Variants in PCSK2 observed in about 807,000 individuals in gnomAD.
The protein encoded by PCSK2 is proprotein convertase subtilisin/kexin type 2.
A neutral mutation model predicts 69.7 loss-of-function variants in PCSK2; 14 were observed. The observed-to-expected ratio is 0.20, with a 90% confidence interval of 0.13 to 0.31. The LOEUF (loss-of-function observed/expected upper bound fraction) is 0.31. Among genes scored for constraint, PCSK2 ranks in the 10% least tolerant of loss-of-function variants. The probability of loss-of-function intolerance (pLI) is 1.00; values close to 1 mark genes in which losing one functional copy is unlikely to be tolerated. For synonymous variants in PCSK2, 307 were observed against 320.7 expected, an observed-to-expected ratio of 0.96 and a Z score of 0.46; for missense variants, 544 against 842.5, an observed-to-expected ratio of 0.65 and a Z score of 4.39.
At chr20:17,434,414 C>A (rs1461810265) in intron 7 of PCSK2, among the ~76,000 whole-genome samples, 1 of 152,114 alleles carries the variant, frequency 6.6e-6, no homozygotes, top group East Asian at 1.9e-4. Flanking sequence ...GTATCTCATT[C>A]AATTAATGCA....
chr20:17,302,594 T>A (rs562023177), intron 2 of PCSK2, among the ~76,000 whole-genome samples: 1 of 152,176 alleles, frequency 6.6e-6, no homozygotes, highest in Non-Finnish European at 1.5e-5. Flanking sequence ...GGTAATAAAA[T>A]TCTAAGTTCA....
intron 2 of PCSK2, among the ~76,000 whole-genome samples, chr20:17,298,453 G>A (rs1320962752): frequency 6.6e-6 from 1 of 152,152 alleles, no homozygotes; most frequent in African/African-American, 2.4e-5. Context: ...AAAAGACCAG[G>A]AATGCTGTTC....
intron 2 of PCSK2, among the ~76,000 whole-genome samples, chr20:17,286,147 C>T (rs542507211): frequency 6.6e-6 from 1 of 152,294 alleles, no homozygotes; most frequent in South Asian, 2.1e-4. Context: ...TTCTTGTTTT[C>T]TCCACATGAA....
chr20:17,299,575 C>T (rs1232785044), intron 2 of PCSK2, among the ~76,000 whole-genome samples: 1 of 151,992 alleles, frequency 6.6e-6, no homozygotes, highest in Non-Finnish European at 1.5e-5. Flanking sequence ...AATTGTATTA[C>T]ATTTCCAAAT....
intron 2 of PCSK2, among the ~76,000 whole-genome samples, chr20:17,309,407 C>A (rs189696097): frequency 6.6e-6 from 1 of 152,182 alleles, no homozygotes; most frequent in East Asian, 1.9e-4. Context: ...ATTTAAAAAG[C>A]AATGAATAAA....
rs140152878 is a variant in PCSK2, at chr20:17,446,134, A to G, written c.886-7608A>G. On this transcript the variant is annotated intron_variant, in intron 8 of 11. Coordinates refer to ENST00000262545, the MANE Select transcript of PCSK2 (RefSeq NM_002594.5). ...ATGTAAACTCAGCAGCACCTCTGAC[A>G]TCAGAAAGATTCATCACTACAATGG... 1.6e-3 allele frequency among the ~76,000 whole-genome samples: 247 copies of G among 152,334 alleles called. 2 individuals carry two copies. Among genetic ancestry groups the G allele is most frequent in the Non-Finnish European group, 1.6e-4 (11 of 68,038 alleles).
At chr20:17,235,831 A>T (rs1319691856) in intron 1 of PCSK2, among the ~76,000 whole-genome samples, 1 of 152,176 alleles carries the variant, frequency 6.6e-6, no homozygotes, top group African/African-American at 2.4e-5. Context: ...CATTTGTGAG[A>T]TGGTAAACAT....
At chr20:17,461,875 A>G (rs967298971) in intron 10 of PCSK2, among the ~76,000 whole-genome samples, 1 of 152,224 alleles carries the variant, frequency 6.6e-6, no homozygotes, top group Non-Finnish European at 1.5e-5. Flanking sequence ...CATGCATTGC[A>G]TACCTGTATC....
intron 10 of PCSK2, among the ~76,000 whole-genome samples, chr20:17,458,626 G>C (rs2032964029): frequency 6.6e-6 from 1 of 152,158 alleles, no homozygotes; most frequent in African/African-American, 2.4e-5. Context: ...CTTATCTTGA[G>C]ATAAGGTTAC....
intron 4 of PCSK2, among the ~76,000 whole-genome samples, chr20:17,367,630 G>A (rs1181905237): frequency 6.6e-6 from 1 of 152,192 alleles, no homozygotes; most frequent in Non-Finnish European, 1.5e-5. Context: ...TTTAGAGACA[G>A]GGTCTTGCTG....
chr20:17,390,136 A>G (rs1446016186), intron 5 of PCSK2, among the ~76,000 whole-genome samples: 1 of 152,248 alleles, frequency 6.6e-6, no homozygotes, highest in Non-Finnish European at 1.5e-5. Context: ...TTAGCTACCA[A>G]CAAAGACAAA....
chr20:17,467,982 A>G (rs1295564299), intron 11 of PCSK2, among the ~76,000 whole-genome samples: 1 of 152,246 alleles, frequency 6.6e-6, no homozygotes, highest in Non-Finnish European at 1.5e-5. Flanking sequence ...ATATCCTCCA[A>G]TGGACAAGCA....
intron 1 of PCSK2, among the ~76,000 whole-genome samples, chr20:17,242,550 T>C (rs1600402988): frequency 6.6e-6 from 1 of 152,254 alleles, no homozygotes; most frequent in Non-Finnish European, 1.5e-5. Flanking sequence ...TATTTTGCTA[T>C]TGCAAATGTC....
intron 2 of PCSK2, among the ~76,000 whole-genome samples, chr20:17,272,369 T>C (rs1448568256): frequency 1.3e-5 from 2 of 152,152 alleles, no homozygotes; most frequent in East Asian, 1.9e-4. Flanking sequence ...AGATCTCACA[T>C]TGATTAATAG....
At chr20:17,253,539 C>T (rs1389164987) in intron 1 of PCSK2, among the ~76,000 whole-genome samples, 1 of 152,142 alleles carries the variant, frequency 6.6e-6, no homozygotes, top group Non-Finnish European at 1.5e-5. Flanking sequence ...TGTGTCATTG[C>T]TTAATTCCTT....
intron 2 of PCSK2, among the ~76,000 whole-genome samples, chr20:17,342,771 A>G (rs999915646): frequency 6.6e-6 from 1 of 151,968 alleles, no homozygotes; most frequent in Admixed American, 6.6e-5. Context: ...ACCTGGGACT[A>G]TAGGTGCGCA....
chr20:17,227,839 G>A (rs1985989490), intron 1 of PCSK2, among the ~76,000 whole-genome samples: 1 of 152,156 alleles, frequency 6.6e-6, no homozygotes, highest in Non-Finnish European at 1.5e-5. Context: ...TAAGCCTGGC[G>A]TTGGCTACTT....
intron 5 of PCSK2, among the ~76,000 whole-genome samples, chr20:17,390,795 T>C (rs2031351959): frequency 6.6e-6 from 1 of 152,070 alleles, no homozygotes; most frequent in Admixed American, 6.6e-5. Context: ...ATTTCCCTTC[T>C]CTCTCCTCTC....
intron 2 of PCSK2, among the ~76,000 whole-genome samples, chr20:17,294,397 C>T (rs1600459128): frequency 6.6e-6 from 1 of 152,190 alleles, no homozygotes; most frequent in East Asian, 1.9e-4. Flanking sequence ...TGAGCCGCCG[C>T]GCCCGGCCTG....
Sources: allele counts gnomAD v4.1 joint callset (sites outside exome capture counted in the v4.1 genomes callset), GRCh38; gene constraint gnomAD v4.1.1; transcripts MANE v1.5; gene names NCBI Gene and HGNC (gene_info 2026-07-23, HGNC 2026-07-21).